Variants in HIVEP2 observed in about 807,000 individuals in gnomAD.
The protein encoded by HIVEP2 is transcription factor HIVEP2.
A neutral mutation model predicts 180.7 loss-of-function variants in HIVEP2; 14 were observed. The ratio of observed to expected loss-of-function variants is 0.08; its 90% CI spans 0.05 to 0.12. HIVEP2 has a LOEUF of 0.12. Ranked by LOEUF, HIVEP2 falls within the 10% of genes least tolerant of loss-of-function variation. The pLI is 1.00. For missense variants in HIVEP2, 2,579 were observed against 3,008.5 expected (o/e 0.86, Z 3.34); for synonymous variants, 1,184 against 1,136.4 (o/e 1.04, Z -0.84).
intron 1 of HIVEP2, among the ~76,000 whole-genome samples, chr6:142,899,883 A>T (rs1449408778): frequency 6.6e-6 from 1 of 152,202 alleles, no homozygotes; most frequent in Non-Finnish European, 1.5e-5. Flanking sequence ...CTGGATCCCT[A>T]GTCTCTGAAC....
At chr6:142,817,340 A>G (rs1776869439) in intron 2 of HIVEP2, among the ~76,000 whole-genome samples, 1 of 152,156 alleles carries the variant, frequency 6.6e-6, no homozygotes, top group African/African-American at 2.4e-5. Flanking sequence ...CTCTCACTAA[A>G]TTTCACTTTG....
intron 1 of HIVEP2, among the ~76,000 whole-genome samples, chr6:142,872,087 C>T (rs918467405): frequency 3.3e-5 from 5 of 152,088 alleles, no homozygotes; most frequent in African/African-American, 4.8e-5. Context: ...TGGACCAGTG[C>T]GTAGGTATCA....
rs917560467 is a variant in HIVEP2 at position 142,815,088 on chromosome 6, G to A, written c.-528+21847C>T. Among the ~76,000 whole-genome samples the A allele has an allele frequency of 5.9e-5, 9 of 152,236 alleles. No homozygotes were observed. The South Asian group carries it at 6.2e-4, about 11-fold the overall frequency. On this transcript the variant is annotated intron_variant, in intron 2 of 9. Transcript: ENST00000367603. The stretch of plus-strand genomic sequence containing the variant: ...GGGGGCTAACTAATCCTTTTATAAG[G>A]AGCTCACTCCCAAGATAACAAACCC...
At chr6:142,763,326 T>C (rs1244321725) in intron 7 of HIVEP2, among the ~76,000 whole-genome samples, 2 of 151,892 alleles carry the variant, frequency 1.3e-5, no homozygotes, top group East Asian at 1.9e-4. Context: ...TGCAAGGGCG[T>C]TCCATCTGTG....
At chr6:142,843,868 T>C (rs544295783) in intron 1 of HIVEP2, among the ~76,000 whole-genome samples, 2 of 152,386 alleles carry the variant, frequency 1.3e-5, no homozygotes, top group Admixed American at 6.5e-5. Flanking sequence ...TTTATGCATA[T>C]GTATGCCTTT....
rs1562521411 is a variant in HIVEP2 at position 142,793,673 on chromosome 6, T to TC, written c.-527-10059_-527-10058insG. On this transcript the variant is annotated intron_variant, in intron 2 of 9. Transcript: ENST00000367603. Reference sequence around the variant, plus strand: ...CTTTCTTTCTTTTTTCTTTCTTTCTTTCTCTCTCTCTCTCTCTCTCTCTCT... The same window carrying TC: ...CTTTCTTTCTTTTTTCTTTCTTTCTTCTCTCTCTCTCTCTCTCTCTCTCTCT... Among the ~76,000 whole-genome samples the TC allele has an allele frequency of 2.0e-3, 218 of 107,464 alleles. 1 individual carries two copies. The highest frequency in any genetic ancestry group is 7.5e-3 in the East Asian group (23 of 3,072). 70.5% of individuals were successfully genotyped at this position (107,464 alleles called of 152,430 possible).
At chr6:142,817,044 A>C (rs1776860509) in intron 2 of HIVEP2, among the ~76,000 whole-genome samples, 1 of 152,162 alleles carries the variant, frequency 6.6e-6, no homozygotes. Flanking sequence ...GAGAGGACTT[A>C]AGAAACAATA....
intron 1 of HIVEP2, among the ~76,000 whole-genome samples, chr6:142,888,354 T>C (rs1396370639): frequency 6.6e-6 from 1 of 152,150 alleles, no homozygotes; most frequent in Non-Finnish European, 1.5e-5. Context: ...TTCAAACTCC[T>C]GGACTCAAGC....
chr6:142,926,790 C>A (rs1777822219), intron 1 of HIVEP2, among the ~76,000 whole-genome samples: 1 of 152,140 alleles, frequency 6.6e-6, no homozygotes, highest in Non-Finnish European at 1.5e-5. Context: ...CAGCTCCCGG[C>A]GCTGGGCCCG....
At chr6:142,768,631 A>G (rs1384910028) in intron 5 of HIVEP2, 95 bp from the exon 6 acceptor site, 1 of 1,291,760 alleles carries the variant, frequency 7.7e-7, no homozygotes, top group Admixed American at 2.2e-5. Flanking sequence ...AAATGAGCCT[A>G]AATTCTGTAC....
At chr6:142,786,349 A>C (rs901291868) in intron 2 of HIVEP2, among the ~76,000 whole-genome samples, 1 of 152,248 alleles carries the variant, frequency 6.6e-6, no homozygotes. Flanking sequence ...AAAACAAACA[A>C]GTTTTCAGAA....
chr6:142,790,988 C>T (rs1281478045), intron 2 of HIVEP2, among the ~76,000 whole-genome samples: 1 of 152,166 alleles, frequency 6.6e-6, no homozygotes, highest in Non-Finnish European at 1.5e-5. Context: ...AAGGCAAAGC[C>T]TATGACATAT....
At position 142,813,545 on chromosome 6, in the gene HIVEP2, T is replaced by C. The variant is rs569910631; in HGVS notation, c.-528+23390A>G. On this transcript the variant is annotated intron_variant, in intron 2 of 9. Coordinates refer to ENST00000367603, the MANE Select transcript of HIVEP2 (RefSeq NM_006734.4). ...ATCATGTATAAGATATAAGACATTA[T>C]GTCTGGATGCTCCATCATCAGTTCA... 3.8e-4 allele frequency among the ~76,000 whole-genome samples: 58 copies of C among 152,090 alleles called. 1 individual carries two copies. The South Asian group carries it at 4.8e-3, about 12-fold the overall frequency.
At position 142,772,678 on chromosome 6, in the gene HIVEP2, C is replaced by T. The variant is rs1308306615; in HGVS notation, c.2061G>A (p.Met687Ile). 4.3e-6 allele frequency: 7 copies of T among 1,614,258 alleles called. No homozygotes were observed. Among genetic ancestry groups the T allele is most frequent in the Admixed American group, 1.7e-5 (1 of 60,034 alleles). Reference sequence around the variant, plus strand: ...TCCTGTTTTCACAGGTAGTTCCAAACATGCTTGGTACTCCCTGCAATGGCA... The same window carrying T: ...TCCTGTTTTCACAGGTAGTTCCAAATATGCTTGGTACTCCCTGCAATGGCA... ...PVVPLQGVPS[M>I]FGTTCENRKR... Residue 687 changes from methionine (M) to isoleucine (I), a missense_variant, in exon 5 of 10, where the codon ATG becomes ATA. Met to Ile is a conservative substitution (Grantham distance 10). This residue lies in a region of HIVEP2 where 524 missense variants were observed against 563.6 expected (regional missense o/e 0.93). Coordinates refer to ENST00000367603, the MANE Select transcript of HIVEP2 (RefSeq NM_006734.4). The surrounding 1 kb of genome is among the most constrained non-coding windows in gnomAD (Gnocchi z 4.9).
intron 3 of HIVEP2, among the ~76,000 whole-genome samples, chr6:142,782,428 G>C (rs2114691375): frequency 6.6e-6 from 1 of 152,190 alleles, no homozygotes; most frequent in Middle Eastern, 3.4e-3. Context: ...ATGGGATGAG[G>C]GGAAAAAGGA....
intron 1 of HIVEP2, among the ~76,000 whole-genome samples, chr6:142,901,250 G>C (rs1372345810): frequency 6.6e-6 from 1 of 152,100 alleles, no homozygotes; most frequent in Non-Finnish European, 1.5e-5. Flanking sequence ...GAGTTTATGA[G>C]AAATGCAAAG....
chr6:142,928,572 A>T (rs1459230059), intron 1 of HIVEP2, among the ~76,000 whole-genome samples: 1 of 152,232 alleles, frequency 6.6e-6, no homozygotes, highest in African/African-American at 2.4e-5. Context: ...ACTTACAGTG[A>T]TGCAAAGCCC....
intron 2 of HIVEP2, among the ~76,000 whole-genome samples, chr6:142,811,803 T>A (rs576532015): frequency 6.6e-6 from 1 of 152,196 alleles, no homozygotes; most frequent in Non-Finnish European, 1.5e-5. Context: ...CTAACGGATA[T>A]CATATCAATG....
Position 142,770,535 on chromosome 6 carries a change from C to T in HIVEP2, c.4204G>A (p.Glu1402Lys), listed in dbSNP as rs1013607763. The T allele has an allele frequency of 1.9e-6, 3 of 1,614,078 alleles. No individual in the cohort carries two copies. Among genetic ancestry groups the T allele is most frequent in the Non-Finnish European group, 2.5e-6 (3 of 1,180,050 alleles). ...GGTGCTTTCCAAATGGGGTACTTCTCCAAGCCCGCATGCTGCCCCAGCACC... is the reference window on the plus strand; with the variant it reads ...GGTGCTTTCCAAATGGGGTACTTCTTCAAGCCCGCATGCTGCCCCAGCACC... ...AQVLGQHAGL[E>K]KYPIWKAPQT... The change falls in exon 5 of 10, where the codon GAG becomes AAG. Residue 1402 changes from glutamate (E) to lysine (K), a missense_variant. Transcript: ENST00000367603. The surrounding 1 kb of genome is among the most constrained non-coding windows in gnomAD (Gnocchi z 4.7).
Sources: gnomAD v4.1 joint callset for allele counts (sites outside exome capture counted in the v4.1 genomes callset) on GRCh38, gnomAD v4.1.1 for gene constraint, gnomAD v4.1.1 regional missense constraint, Gnocchi (gnomAD v3.1) non-coding constraint, MANE v1.5 for transcripts, NCBI Gene and HGNC (gene_info 2026-07-23, HGNC 2026-07-21) for gene names.